Variants in DNAH17 observed in about 807,000 individuals in gnomAD.
DNAH17 encodes dynein axonemal heavy chain 17, also known as axonemal beta dynein heavy chain 17.
DNAH17 carries 376 observed loss-of-function variants against 485.6 expected under a neutral mutation model. The observed-to-expected ratio is 0.77, with a 90% CI of 0.71 to 0.84. DNAH17 has a LOEUF of 0.84. Among genes scored for constraint, DNAH17 ranks in the 40% least tolerant of loss-of-function variants. DNAH17 has a pLI of 0.00. For synonymous variants in DNAH17, 3,031 were observed against 2,405.9 expected (o/e 1.26, Z -7.60); for missense variants, 6,370 against 5,839.3 (o/e 1.09, Z -2.96).
In DNAH17 at chr17:78,527,219, C is replaced by T. The variant is rs145888899; in HGVS notation, c.3508-223G>A. On this transcript the variant is annotated intron_variant, in intron 22 of 80. Coordinates refer to ENST00000389840, the MANE Select transcript of DNAH17 (RefSeq NM_173628.4). Reference sequence around the variant, plus strand: ...GCAACAAAGTGAGACCCCATCTCTACAAAAAATACAAATTCTTTTTAGCTG... The same window carrying T: ...GCAACAAAGTGAGACCCCATCTCTATAAAAAATACAAATTCTTTTTAGCTG... 5.2e-3 allele frequency among the ~76,000 whole-genome samples: 796 copies of T among 151,978 alleles called. 6 individuals are homozygous for T. Among genetic ancestry groups the T allele is most frequent in the African/African-American group, 0.019 (769 of 41,442 alleles).
rs373886366 is a variant in DNAH17 at position 78,468,630 on chromosome 17, C to T, written c.8765G>A (p.Arg2922His). Residue 2922 changes from arginine (R) to histidine (H), a missense_variant, in exon 55 of 81, where the codon CGC (arginine) becomes CAC (histidine). Transcript: ENST00000389840. The stretch of plus-strand genomic sequence containing the variant: ...CGGGAGCCCCACCTTGAGCTGTCTG[C>T]GCACTTTTTCGATGAAGAACTTCCA... ...TCWKFFIEKVRRQLKVILCFS... is the reference protein window; with the variant it reads ...TCWKFFIEKVHRQLKVILCFS... 2.0e-5 allele frequency: 33 copies of T among 1,613,180 alleles called. No individual in the cohort carries two copies. Among genetic ancestry groups the T allele is most frequent in the East Asian group, 6.7e-5 (3 of 44,878 alleles).
rs1024568763 is a variant in DNAH17 at position 78,482,862 on chromosome 17, G to A, written c.7649+2006C>T. Reference sequence around the variant, plus strand: ...TGAAGATCCTTCAGGGTAAACTCCAGGGCAGATGTGGACCTAGGGCTGAAG... The same window carrying A: ...TGAAGATCCTTCAGGGTAAACTCCAAGGCAGATGTGGACCTAGGGCTGAAG... On this transcript the variant is annotated intron_variant, in intron 48 of 80. Transcript: ENST00000389840. Among the ~76,000 whole-genome samples the A allele has an allele frequency of 2.6e-5, 4 of 152,188 alleles. No individual in the cohort carries two copies. The East Asian group carries it at 7.7e-4, about 29-fold the overall frequency.
intron 71 of DNAH17, among the ~76,000 whole-genome samples, chr17:78,443,781 C>T (rs535395741): frequency 6.6e-6 from 1 of 152,188 alleles, no homozygotes; most frequent in Non-Finnish European, 1.5e-5. Context: ...AACTCCTGGG[C>T]TCAAGTGATC....
At chr17:78,446,586 G>A (rs898538134) in intron 69 of DNAH17, among the ~76,000 whole-genome samples, 21 of 152,018 alleles carry the variant, frequency 1.4e-4, no homozygotes, top group Middle Eastern at 3.4e-3. Context: ...ACAGCGGGTC[G>A]TTTTGGCTGT....
chr17:78,441,051 C>T lies in DNAH17; in HGVS notation c.11677G>A (p.Gly3893Arg), dbSNP rs1444653549. The change falls in exon 72 of 81, where the codon GGA becomes AGA. Residue 3893 changes from glycine (G) to arginine (R), a missense_variant and splice_region_variant. Physicochemically the swap from Gly to Arg is moderately radical, Grantham distance 125. Transcript: ENST00000389840. ...VDPLKDVEAL[G>R]KKLGFTIDNG... ...AACATCACTTGCCTGCTACACTTAC[C>T]CAGGGCTTCCACGTCTTTCAAGGGG... The T allele has an allele frequency of 1.3e-6, 2 of 1,580,704 alleles. No individual in the cohort carries two copies. Among genetic ancestry groups the T allele is most frequent in the Non-Finnish European group, 1.7e-6 (2 of 1,162,722 alleles).
At position 78,553,390 on chromosome 17, in the gene DNAH17, C is replaced by G. The variant is rs541424787; in HGVS notation, c.2179-585G>C. Among the ~76,000 whole-genome samples, 3 of 144,184 alleles carry G rather than the reference C, an allele frequency of 2.1e-5. No homozygotes were observed. In the South Asian group the frequency reaches 6.9e-4, roughly 33 times the overall value. The allele number at this position is 144,184 out of a possible 152,430, so 94.6% of individuals were successfully genotyped here. ...GATCTTGGCTCACTGCAATCTCTGC[C>G]TCCCGGGTTCAAGCAATTCTCCTGC... On this transcript the variant is annotated intron_variant, in intron 14 of 80. Coordinates refer to ENST00000389840, the MANE Select transcript of DNAH17 (RefSeq NM_173628.4).
At chr17:78,502,508 G>A (rs766790385) in intron 33 of DNAH17, 83 bp downstream of exon 33, 1 of 1,310,622 alleles carries the variant, frequency 7.6e-7, no homozygotes, top group Non-Finnish European at 1.0e-6. Context: ...TCGCCCGGCA[G>A]GTTTCAGAAG....
At chr17:78,518,444 G>A (rs745533627) in intron 25 of DNAH17, among the ~76,000 whole-genome samples, 5 of 152,130 alleles carry the variant, frequency 3.3e-5, no homozygotes, top group Non-Finnish European at 5.9e-5. Context: ...CCTATAAGAA[G>A]ACAATAATCC....
At chr17:78,424,313 T>A in intron 80 of DNAH17, 160 bp from the exon 81 acceptor site, 1 of 835,876 alleles carries the variant, frequency 1.2e-6, no homozygotes, top group Non-Finnish European at 1.8e-6. Flanking sequence ...GAGGCCTTCG[T>A]AGGTGATGGC....
At position 78,566,608 on chromosome 17, in the gene DNAH17, G is replaced by A. The variant is rs1385250533; in HGVS notation, c.1569+6C>T. On this transcript the variant is annotated splice_donor_region_variant and intron_variant, in intron 11 of 80. Transcript: ENST00000389840. ...AGATCTGCCTGCGTCTCCACTGCATGCTTACCTTTGCGGAGGACTTGATAC... is the reference window on the plus strand; with the variant it reads ...AGATCTGCCTGCGTCTCCACTGCATACTTACCTTTGCGGAGGACTTGATAC... 2 of 1,592,550 alleles carry A rather than the reference G, an allele frequency of 1.3e-6. No individual in the cohort carries two copies. Among genetic ancestry groups the A allele is most frequent in the East Asian group, 2.3e-5 (1 of 44,376 alleles).
In DNAH17 at chr17:78,480,699, G is replaced by A. The variant is rs770400729; in HGVS notation, c.7737C>T (p.Ile2579=). Reference sequence around the variant, plus strand: ...TTCTGCTTACCTGAAGCCTGGAGTCGATGGTGAAGGATCCGGAAGTGGGGT... The same window carrying A: ...TTCTGCTTACCTGAAGCCTGGAGTCAATGGTGAAGGATCCGGAAGTGGGGT... The part of the protein sequence containing the change: ...CMNPTSGSFT[I]DSRLQRHFCV... The change falls in exon 49 of 81, where the codon ATC becomes ATT. Residue 2579 remains isoleucine (I), a synonymous_variant. Transcript: ENST00000389840. The A allele has an allele frequency of 1.5e-5, 25 of 1,613,502 alleles. No individual in the cohort carries two copies. Among genetic ancestry groups the A allele is most frequent in the South Asian group, 3.3e-5 (3 of 91,028 alleles).
intron 52 of DNAH17, 60 bp from the exon 53 acceptor site, chr17:78,475,893 G>C (rs886778754): frequency 1.7e-5 from 26 of 1,568,632 alleles, no homozygotes; most frequent in Non-Finnish European, 2.2e-5. Context: ...CACACAGATA[G>C]TTAACAGCAA....
In DNAH17 at chr17:78,494,677, G is replaced by T. The variant is rs766436820; in HGVS notation, c.6186C>A (p.Asp2062Glu). ...RDFNIPKIVT[D>E]DLPVFMGLIG... ...TCAGTCCCATGAATACGGGCAGGTC[G>T]TCTGTCACAATCTTGGGGATGTTGA... Residue 2062 changes from aspartate to glutamate, a missense_variant, in exon 40 of 81, where the codon GAC becomes GAA. Asp to Glu is a conservative substitution (Grantham distance 45, BLOSUM62 2). Coordinates refer to ENST00000389840, the MANE Select transcript of DNAH17 (RefSeq NM_173628.4). The T allele has an allele frequency of 3.1e-6, 5 of 1,613,946 alleles. No individual in the cohort carries two copies. The highest frequency in any genetic ancestry group is 1.7e-5 in the Admixed American group (1 of 60,026).
chr17:78,525,189 G>A (rs759242453), intron 24 of DNAH17, 28 bp from the exon 25 acceptor site: 10 of 1,606,478 alleles, frequency 6.2e-6, no homozygotes, highest in Non-Finnish European at 8.5e-6. Context: ...GCCGTCAGTA[G>A]GGCTACCTAC....
intron 75 of DNAH17, among the ~76,000 whole-genome samples, chr17:78,431,052 T>A (rs2086653511): frequency 6.8e-6 from 1 of 147,778 alleles, no homozygotes; most frequent in African/African-American, 2.5e-5. Flanking sequence ...CTAATTTTTT[T>A]ATTTTTTGTA....
At chr17:78,456,911 G>T (rs1307803154) in intron 62 of DNAH17, among the ~76,000 whole-genome samples, 1 of 152,204 alleles carries the variant, frequency 6.6e-6, no homozygotes, top group Non-Finnish European at 1.5e-5. Flanking sequence ...AACACAGCTT[G>T]CAGGCCTGGA....
chr17:78,483,193 A>T (rs1458759186), intron 48 of DNAH17, among the ~76,000 whole-genome samples: 8 of 151,614 alleles, frequency 5.3e-5, no homozygotes, highest in Non-Finnish European at 1.0e-4. Flanking sequence ...CAGCTTTGTC[A>T]CCTCCCCCAG....
Position 78,551,513 on chromosome 17 carries a change from CTG to C in DNAH17, c.2391+20_2391+21del, listed in dbSNP as rs770573367. ...CCCCAGGCCCCCACAAAGCCCCACT[CTG>C]TGCTCTGCCCCTTGCTTACCTTCAT... On this transcript the variant is annotated intron_variant, in intron 16 of 80. Transcript: ENST00000389840. The C allele has an allele frequency of 2.4e-5, 39 of 1,610,788 alleles. No homozygotes were observed. Among genetic ancestry groups the C allele is most frequent in the Non-Finnish European group, 2.8e-5 (33 of 1,177,072 alleles).
chr17:78,426,760 G>T lies in DNAH17; in HGVS notation c.12772-160C>A, dbSNP rs983193124. 4 of 1,283,686 alleles carry T rather than the reference G, an allele frequency of 3.1e-6. No individual in the cohort carries two copies. In the Admixed American group the frequency reaches 9.1e-5, roughly 29 times the overall value. 79.5% of individuals were successfully genotyped at this position (1,283,686 alleles called of 1,614,324 possible). Reference sequence around the variant, plus strand: ...CGCAAGCGCTTCCTGCTAAGGAACGGTCTAGATGAGCTCCCGGGGCTTGTT... The same window carrying T: ...CGCAAGCGCTTCCTGCTAAGGAACGTTCTAGATGAGCTCCCGGGGCTTGTT... On this transcript the variant is annotated intron_variant, in intron 78 of 80. Transcript: ENST00000389840.
Sources: gnomAD v4.1 joint callset for allele counts (sites outside exome capture counted in the v4.1 genomes callset) on GRCh38, gnomAD v4.1.1 for gene constraint, MANE v1.5 for transcripts, NCBI Gene and HGNC (gene_info 2026-07-23, HGNC 2026-07-21) for gene names.